RP1: variants seen among roughly 807,000 people sequenced by gnomAD.
The protein encoded by RP1 is RP1 axonemal microtubule associated, also known as oxygen-regulated protein 1.
RP1 carries 16 observed loss-of-function variants against 14.8 expected under a neutral mutation model. That is an observed-to-expected ratio of 1.08 (90% CI 0.73 to 1.65). The LOEUF (loss-of-function observed/expected upper bound fraction) is 1.65, where lower values mean the gene tolerates loss of function less well. Among genes scored for constraint, RP1 ranks in the 40% most tolerant of loss-of-function variants. The pLI is 0.00. For synonymous variants in RP1, 876 were observed against 883.6 expected, an observed-to-expected ratio of 0.99 and a Z score of 0.15; for missense variants, 2,631 against 2,535.0, an observed-to-expected ratio of 1.04 and a Z score of -0.81.
intron 7 of RP1, among the ~76,000 whole-genome samples, chr8:54,671,265 T>G (rs897019226): frequency 6.6e-6 from 1 of 152,132 alleles, no homozygotes; most frequent in African/African-American, 2.4e-5. Context: ...TCCACGATTG[T>G]CTCTTTTAAA....
At chr8:54,662,123 C>T (rs1220706551) in intron 6 of RP1, among the ~76,000 whole-genome samples, 1 of 152,058 alleles carries the variant, frequency 6.6e-6, no homozygotes, top group African/African-American at 2.4e-5. Context: ...TCTCTTTTCC[C>T]ATGTGAGCTG....
intron 24 of RP1, among the ~76,000 whole-genome samples, chr8:54,811,923 C>T (rs1811005999): frequency 6.6e-6 from 1 of 152,196 alleles, no homozygotes; most frequent in Non-Finnish European, 1.5e-5. Context: ...AAAGCTCTGA[C>T]TTGGAGTCTT....
Position 54,629,055 on chromosome 8 carries a change from C to T in RP1, c.5173C>T (p.Gln1725Ter), listed in dbSNP as rs757151857. Residue 1725 changes from glutamine (Q) to a stop codon, truncating the protein, a stop_gained, in exon 4 of 4, where the codon CAA (glutamine) becomes TAA (stop). Coordinates refer to ENST00000220676, the MANE Select transcript of RP1 (RefSeq NM_006269.2). LOFTEE classifies it low-confidence loss of function (END_TRUNC). ...TGACATTGTAGAACCTGGTACAAAA[C>T]AAAATGATGATAGCAGAATCCTCAC... is the stretch of plus-strand genomic sequence containing the variant. ...RGDIVEPGTK[Q>*]NDDSRILTDI... 4.3e-6 allele frequency: 7 copies of T among 1,613,992 alleles called. No individual in the cohort carries two copies. The highest frequency in any genetic ancestry group is 5.9e-6 in the Non-Finnish European group (7 of 1,179,930).
chr8:54,854,578 T>C (rs1360934156), intron 26 of RP1, among the ~76,000 whole-genome samples: 1 of 152,178 alleles, frequency 6.6e-6, no homozygotes, highest in Non-Finnish European at 1.5e-5. Flanking sequence ...AAGTGTTTAA[T>C]TGTGGGCTGG....
chr8:54,574,705 T>G (rs575139331), intron 1 of RP1, among the ~76,000 whole-genome samples: 6 of 74,122 alleles, frequency 8.1e-5, no homozygotes, highest in Non-Finnish European at 1.7e-4. Flanking sequence ...CACTTATCTA[T>G]GTTGTTGGAT....
rs1810063117 is a variant in RP1 at position 54,777,169 on chromosome 8, T to G, written c.3452-6378T>G. On this transcript the variant is annotated intron_variant, in intron 23 of 28. Coordinates refer to the RP1 transcript ENST00000637698. ...TCCATAAAGCACCTTGAACAGAGCCTAATATATCTTATGTATCCAATAAAC... is the reference window on the plus strand; with the variant it reads ...TCCATAAAGCACCTTGAACAGAGCCGAATATATCTTATGTATCCAATAAAC... 3.9e-5 allele frequency among the ~76,000 whole-genome samples: 6 copies of G among 152,354 alleles called. No individual in the cohort carries two copies. In the South Asian group the frequency reaches 1.2e-3, roughly 32 times the overall value.
chr8:54,581,363 C>T (rs1585524455), intron 1 of RP1, among the ~76,000 whole-genome samples: 1 of 152,210 alleles, frequency 6.6e-6, no homozygotes, highest in South Asian at 2.1e-4. Flanking sequence ...GCATAGTATT[C>T]CATGGTGTAT....
At chr8:54,669,449 G>C (rs1028701720) in intron 7 of RP1, among the ~76,000 whole-genome samples, 1 of 152,116 alleles carries the variant, frequency 6.6e-6, no homozygotes, top group African/African-American at 2.4e-5. Context: ...CTAGTTCAAC[G>C]ATTGTGGAAG....
chr8:54,742,826 G>C (rs1809131550), intron 19 of RP1, among the ~76,000 whole-genome samples: 1 of 152,224 alleles, frequency 6.6e-6, no homozygotes, highest in Non-Finnish European at 1.5e-5. Flanking sequence ...CTTTCTCTGG[G>C]GCCTGTGAGT....
Position 54,628,042 on chromosome 8 carries a change from T to G in RP1, c.4160T>G (p.Leu1387Trp). Residue 1387 changes from leucine (L) to tryptophan (W), a missense_variant, in exon 4 of 4, where the codon TTG becomes TGG. Coordinates refer to ENST00000220676, the MANE Select transcript of RP1 (RefSeq NM_006269.2). ...GAATATAAAAATGGATTTAATACATTGGTGTCACATCAAAATGTCAGTAAT... is the reference window on the plus strand; with the variant it reads ...GAATATAAAAATGGATTTAATACATGGGTGTCACATCAAAATGTCAGTAAT... ...DPEYKNGFNT[L>W]VSHQNVSNLS... The G allele has an allele frequency of 6.2e-7, 1 of 1,614,034 alleles. No homozygotes were observed. Among genetic ancestry groups the G allele is most frequent in the Non-Finnish European group, 8.5e-7 (1 of 1,179,952 alleles).
intron 1 of RP1, among the ~76,000 whole-genome samples, chr8:54,581,154 C>A (rs961171116): frequency 2.0e-5 from 3 of 152,004 alleles, no homozygotes; most frequent in Non-Finnish European, 2.9e-5. Flanking sequence ...ATCCCTCCCC[C>A]CTTCCCCCAC....
chr8:54,781,177 AAGGGCAC>A (rs1219418799), intron 23 of RP1: 1 of 316,588 alleles, frequency 3.2e-6, no homozygotes, highest in Non-Finnish European at 4.6e-6. Flanking sequence ...AAGAGAATGA[AAGGGCAC>A]AGCCTGAGTT....
chr8:54,667,133 T>C (rs1026104844), intron 7 of RP1, among the ~76,000 whole-genome samples: 1 of 152,026 alleles, frequency 6.6e-6, no homozygotes, highest in Non-Finnish European at 1.5e-5. Flanking sequence ...CATTTTTCTA[T>C]TTTTGTACAT....
intron 1 of RP1, among the ~76,000 whole-genome samples, chr8:54,602,262 C>A (rs1287757923): frequency 6.6e-6 from 1 of 152,114 alleles, no homozygotes; most frequent in Non-Finnish European, 1.5e-5. Flanking sequence ...GTTCAATTAC[C>A]ACCTATGAGT....
At chr8:54,768,598 G>C (rs1477641122) in intron 22 of RP1, among the ~76,000 whole-genome samples, 1 of 152,118 alleles carries the variant, frequency 6.6e-6, no homozygotes, top group African/African-American at 2.4e-5. Context: ...TAATAAAACT[G>C]ATATACCATG....
intron 25 of RP1, among the ~76,000 whole-genome samples, chr8:54,847,773 C>T (rs1486029485): frequency 6.6e-6 from 1 of 152,246 alleles, no homozygotes; most frequent in Non-Finnish European, 1.5e-5. Context: ...ACCACTGTCT[C>T]TGTTTCCCAG....
At chr8:54,768,897 CTTTTTTTT>C (rs138672609) in intron 22 of RP1, among the ~76,000 whole-genome samples, 1 of 138,662 alleles carries the variant, frequency 7.2e-6, no homozygotes, top group Admixed American at 7.2e-5. Context: ...TGGTTATATT[CTTTTTTTT>C]TTTTTTTTTG....
intron 1 of RP1, among the ~76,000 whole-genome samples, chr8:54,586,005 T>A (rs1804912087): frequency 6.6e-6 from 1 of 152,226 alleles, no homozygotes; most frequent in Non-Finnish European, 1.5e-5. Context: ...CTCGTCAAAG[T>A]CATTCTCCGT....
At chr8:54,685,043 A>G (rs1011037017) in intron 12 of RP1, among the ~76,000 whole-genome samples, 2 of 152,138 alleles carry the variant, frequency 1.3e-5, no homozygotes, top group African/African-American at 4.8e-5. Context: ...GCTGGGCTTA[A>G]TACCTAGGTG....
Sources: allele counts gnomAD v4.1 joint callset (sites outside exome capture counted in the v4.1 genomes callset), GRCh38; gene constraint gnomAD v4.1.1; transcripts MANE v1.5; gene names NCBI Gene and HGNC (gene_info 2026-07-23, HGNC 2026-07-21).